ADRA1A: variants seen among roughly 807,000 people sequenced by gnomAD.
ADRA1A encodes the protein adrenoceptor alpha 1A, also known as alpha-1A adrenergic receptor.
ADRA1A carries 31 observed loss-of-function variants against 29.6 expected under a neutral mutation model. That is an observed-to-expected ratio of 1.05 (90% confidence interval 0.79 to 1.41). The LOEUF (loss-of-function observed/expected upper bound fraction) is 1.41, where lower values mean the gene tolerates loss of function less well. ADRA1A is among the 40% of genes most tolerant of loss of function. The pLI, the probability that ADRA1A is intolerant of heterozygous loss-of-function variation, is 0.00. For synonymous variants in ADRA1A, 311 were observed against 254.3 expected, an observed-to-expected ratio of 1.22 and a Z score of -2.12; for missense variants, 619 against 601.1, an observed-to-expected ratio of 1.03 and a Z score of -0.31.
intron 2 of ADRA1A, among the ~76,000 whole-genome samples, chr8:26,751,286 TG>T (rs1297450949): frequency 6.6e-6 from 1 of 152,138 alleles, no homozygotes; most frequent in Non-Finnish European, 1.5e-5. Context: ...TAATAACATG[TG>T]GGGAGTGAGT....
intron 2 of ADRA1A, among the ~76,000 whole-genome samples, chr8:26,784,088 T>G (rs1052266507): frequency 2.0e-5 from 3 of 152,150 alleles, no homozygotes; most frequent in Non-Finnish European, 4.4e-5. Flanking sequence ...AATACTTAAG[T>G]GATGGGTTGA....
At chr8:26,774,406 C>G (rs771265017) in intron 2 of ADRA1A, among the ~76,000 whole-genome samples, 2 of 152,310 alleles carry the variant, frequency 1.3e-5, no homozygotes, top group South Asian at 4.1e-4. Context: ...TGGTGGCTCA[C>G]GCCTGTAATC....
At chr8:26,808,746 A>G (rs1809175381) in intron 2 of ADRA1A, among the ~76,000 whole-genome samples, 1 of 151,796 alleles carries the variant, frequency 6.6e-6, no homozygotes, top group Non-Finnish European at 1.5e-5. Flanking sequence ...TCTGCCTTGA[A>G]CTCTACATCC....
chr8:26,859,542 C>A (rs1813293794), intron 2 of ADRA1A, among the ~76,000 whole-genome samples: 1 of 152,064 alleles, frequency 6.6e-6, no homozygotes, highest in Admixed American at 6.5e-5. Context: ...ACTGTGAGGC[C>A]CTTGAGGGCA....
At chr8:26,863,609 C>A (rs1003198730) in intron 2 of ADRA1A, among the ~76,000 whole-genome samples, 5 of 151,880 alleles carry the variant, frequency 3.3e-5, no homozygotes, top group African/African-American at 1.2e-4. Flanking sequence ...TATAACAAAC[C>A]CTTATGAATA....
intron 2 of ADRA1A, among the ~76,000 whole-genome samples, chr8:26,836,752 C>T (rs1483266087): frequency 6.6e-6 from 1 of 152,102 alleles, no homozygotes; most frequent in Non-Finnish European, 1.5e-5. Flanking sequence ...AAATAAACTA[C>T]AAAGAGATGT....
At chr8:26,751,578 T>G (rs1396610645), downstream of ADRA1A, among the ~76,000 whole-genome samples, 2 of 152,046 alleles carry the variant, frequency 1.3e-5, no homozygotes, top group South Asian at 2.1e-4. Flanking sequence ...GTGTAAGGAG[T>G]AAGTGCTATG....
At chr8:26,752,242 G>A (rs1804952223), downstream of ADRA1A, among the ~76,000 whole-genome samples, 1 of 152,112 alleles carries the variant, frequency 6.6e-6, no homozygotes, top group South Asian at 2.1e-4. Context: ...CACTTTTATT[G>A]GTTGGTTTTA....
At position 26,864,189 on chromosome 8, in the gene ADRA1A, G is replaced by C; in HGVS notation, c.781C>G (p.Leu261Val). 1 of 1,614,154 alleles carries C rather than the reference G, an allele frequency of 6.2e-7. No homozygotes were observed. Among genetic ancestry groups the C allele is most frequent in the African/African-American group, 1.3e-5 (1 of 75,070 alleles). Residue 261 changes from leucine (L) to valine (V), a missense_variant, in exon 2 of 3, where the codon CTC becomes GTC. Leu to Val is a conservative substitution (Grantham distance 32, BLOSUM62 1). Coordinates refer to ENST00000380573, the MANE Select transcript of ADRA1A (RefSeq NM_000680.4). This position sits in a 1 kb window ranked among gnomAD's most constrained non-coding sequence, Gnocchi z 8.1. Reference sequence around the variant, plus strand: ...TTCTTCTCCCGGGAGAACTTGAGGAGCCTCACTGAGAAGTGCGTCTTGGTC... The same window carrying C: ...TTCTTCTCCCGGGAGAACTTGAGGACCCTCACTGAGAAGTGCGTCTTGGTC... ...AKTKTHFSVR[L>V]LKFSREKKAA...
chr8:26,769,574 C>T lies in ADRA1A; in HGVS notation c.*575G>A. The T allele has an allele frequency of 2.0e-6, 2 of 985,536 alleles. No individual in the cohort carries two copies. Among genetic ancestry groups the T allele is most frequent in the Non-Finnish European group, 2.4e-6 (2 of 830,010 alleles). The allele number at this position is 985,536 out of a possible 1,614,324, so 61.0% of individuals were successfully genotyped here. ...TCAAAGTGCAGTCAAAGGTAAACCT[C>T]ACTGCCAAGTTTCCCTCAAGCTGAG... On this transcript the variant is annotated 3_prime_UTR_variant, in exon 3 of 3. Transcript: ENST00000380573.
Position 26,770,533 on chromosome 8 carries a change from A to C in ADRA1A, c.1017T>G (p.Asn339Lys), listed in dbSNP as rs1174794179. The change falls in exon 3 of 3, where the codon AAT becomes AAG. Residue 339 changes from asparagine to lysine, a missense_variant. By Grantham distance (94) the Asn-to-Lys change is moderately conservative (BLOSUM62 0). Transcript: ENST00000380573. Reference protein sequence around the residue: ...SSQEFKKAFQNVLRIQCLCRK... With the variant: ...SSQEFKKAFQKVLRIQCLCRK... ...TGCAGAGACACTGGATTCTCAAGAC[A>C]TTCTGAAAGGCCTTTTTGAACTCTT... 6.2e-7 allele frequency: 1 copy of C among 1,614,200 alleles called. No homozygotes were observed. The highest frequency in any genetic ancestry group is 1.1e-5 in the South Asian group (1 of 91,084).
downstream of ADRA1A, among the ~76,000 whole-genome samples, chr8:26,766,601 T>G (rs905732239): frequency 3.9e-5 from 6 of 152,200 alleles, no homozygotes. Context: ...GGATATGGCT[T>G]GGCATCCTCA....
intron 2 of ADRA1A, among the ~76,000 whole-genome samples, chr8:26,792,182 A>G (rs1807884215): frequency 6.6e-6 from 1 of 152,110 alleles, no homozygotes; most frequent in African/African-American, 2.4e-5. Context: ...ATTGCAATCT[A>G]CAGAGGATGT....
Position 26,825,756 on chromosome 8 carries a change from A to G in ADRA1A, c.883+38331T>C, listed in dbSNP as rs1457026178. ...TCTCCCTCCTGATTTAACAATCCTTAAGGAACAGTCTCCCTTGTATCCTGC... is the reference window on the plus strand; with the variant it reads ...TCTCCCTCCTGATTTAACAATCCTTGAGGAACAGTCTCCCTTGTATCCTGC... On this transcript the variant is annotated intron_variant, in intron 2 of 2. Transcript: ENST00000380573. The surrounding 1 kb of genome is among the most constrained non-coding windows in gnomAD (Gnocchi z 5.7). Among the ~76,000 whole-genome samples the G allele has an allele frequency of 6.6e-6, 1 of 152,254 alleles. No individual in the cohort carries two copies. Among genetic ancestry groups the G allele is most frequent in the Non-Finnish European group, 1.5e-5 (1 of 68,046 alleles).
chr8:26,818,845 T>G (rs761302336), intron 2 of ADRA1A, among the ~76,000 whole-genome samples: 5 of 151,836 alleles, frequency 3.3e-5, no homozygotes, highest in Non-Finnish European at 7.4e-5. Context: ...TTATGAAATG[T>G]TATCAGGTAA....
At chr8:26,836,497 T>C (rs1811372762) in intron 2 of ADRA1A, among the ~76,000 whole-genome samples, 1 of 152,238 alleles carries the variant, frequency 6.6e-6, no homozygotes, top group Non-Finnish European at 1.5e-5. Context: ...ATGATGTTCT[T>C]ACACAGCAGC....
intron 2 of ADRA1A, among the ~76,000 whole-genome samples, chr8:26,788,526 A>G (rs78403818): frequency 0.02 from 3,090 of 152,304 alleles, 191 homozygotes; most frequent in East Asian, 0.2. Context: ...TGGCACTAAT[A>G]ATAGTAATTA....
downstream of ADRA1A, among the ~76,000 whole-genome samples, chr8:26,763,206 T>C (rs1000616347): frequency 6.6e-6 from 1 of 152,118 alleles, no homozygotes; most frequent in Non-Finnish European, 1.5e-5. This position sits in a 1 kb window ranked among gnomAD's most constrained non-coding sequence, Gnocchi z 4.5. Context: ...GGCCCTCAAA[T>C]GCCCTGGTGT....
At chr8:26,761,208 G>A (rs992445090), downstream of ADRA1A, among the ~76,000 whole-genome samples, 2 of 152,240 alleles carry the variant, frequency 1.3e-5, no homozygotes, top group Non-Finnish European at 2.9e-5. Context: ...TACAGAATTA[G>A]TTGCCAAATA....
Sources: gnomAD v4.1 joint callset for allele counts (sites outside exome capture counted in the v4.1 genomes callset) on GRCh38, gnomAD v4.1.1 for gene constraint, Gnocchi (gnomAD v3.1) non-coding constraint, MANE v1.5 for transcripts, NCBI Gene and HGNC (gene_info 2026-07-23, HGNC 2026-07-21) for gene names.